The following CTCFL variants were observed in gnomAD, a reference collection of about 807,000 sequenced individuals.
CTCFL encodes the protein CCCTC-binding factor like, also known as transcriptional repressor CTCFL.
CTCFL carries 36 observed loss-of-function variants against 67.4 expected under a neutral mutation model. The observed-to-expected ratio is 0.53, with a 90% CI of 0.41 to 0.71. The LOEUF (loss-of-function observed/expected upper bound fraction) is 0.71. Ranked by LOEUF, CTCFL falls within the 30% of genes least tolerant of loss-of-function variation. The probability of loss-of-function intolerance (pLI) is 0.00; values close to 1 mark genes in which losing one functional copy is unlikely to be tolerated. For missense variants in CTCFL, 786 were observed against 835.2 expected (o/e 0.94, Z 0.73); for synonymous variants, 324 against 302.3 (o/e 1.07, Z -0.75).
chr20:57,518,554 CTAAT>C, intron 5 of CTCFL, 200 bp downstream of exon 5: 3 of 1,420,084 alleles, frequency 2.1e-6, no homozygotes, highest in African/African-American at 2.9e-5. Context: ...ATTATTTTCA[CTAAT>C]TAGTAATCAA....
chr20:57,518,325 C>T (rs1182865626), intron 5 of CTCFL, among the ~76,000 whole-genome samples: 1 of 152,234 alleles, frequency 6.6e-6, no homozygotes, highest in Non-Finnish European at 1.5e-5. Flanking sequence ...TAATTAAAAA[C>T]AGAAACGTCT....
chr20:57,514,898 CCAGA>C (rs2068806103), intron 6 of CTCFL, 157 bp from the exon 7 acceptor site: 1 of 704,642 alleles, frequency 1.4e-6, no homozygotes, highest in South Asian at 1.9e-5. Flanking sequence ...CAAATCAAGC[CCAGA>C]CAGCTTATGT....
intron 8 of CTCFL, 115 bp downstream of exon 8, chr20:57,512,477 G>A (rs1031241575): frequency 4.0e-6 from 4 of 1,008,770 alleles, no homozygotes; most frequent in Non-Finnish European, 5.9e-6. Flanking sequence ...TTCTGAATAG[G>A]CTACTCTATT....
At chr20:57,505,742 A>G (rs1049349948) in intron 9 of CTCFL, among the ~76,000 whole-genome samples, 1 of 152,236 alleles carries the variant, frequency 6.6e-6, no homozygotes, top group Admixed American at 6.5e-5. Flanking sequence ...ACTGTATACA[A>G]CATTCAGGAA....
Position 57,498,639 on chromosome 20 carries a change from C to T in CTCFL, c.1903G>A (p.Val635Ile), listed in dbSNP as rs759206089. 19 of 1,614,158 alleles carry T rather than the reference C, an allele frequency of 1.2e-5. No homozygotes were observed. The highest frequency in any genetic ancestry group is 1.7e-5 in the Admixed American group (1 of 60,026). The change falls in exon 11 of 11, where the codon GTC (valine) becomes ATC (isoleucine). Residue 635 changes from valine (V) to isoleucine (I), a missense_variant. Physicochemically the swap from Val to Ile is conservative, Grantham distance 29 (BLOSUM62 3). Transcript: ENST00000243914. ...CTGGCTGTGGTTTCTCTGCAGGCGA[C>T]AGGAAACATCTCTCCTGGGAACTGT... ...GEQFPGEMFP[V>I]ACRETTARVK...
intron 8 of CTCFL, among the ~76,000 whole-genome samples, chr20:57,511,463 G>C (rs749319922): frequency 1.3e-5 from 2 of 152,128 alleles, no homozygotes; most frequent in Non-Finnish European, 2.9e-5. Flanking sequence ...TTACCTGTGT[G>C]TGAGTCTGTA....
chr20:57,505,298 T>C (rs577294358), intron 9 of CTCFL, among the ~76,000 whole-genome samples: 54 of 151,860 alleles, frequency 3.6e-4, no homozygotes, highest in African/African-American at 5.1e-4. Flanking sequence ...CTCTTTCGTC[T>C]AGGCTGGAGT....
At chr20:57,501,757 C>T (rs1341919327) in intron 10 of CTCFL, among the ~76,000 whole-genome samples, 9 of 152,194 alleles carry the variant, frequency 5.9e-5, no homozygotes, top group Non-Finnish European at 2.9e-5. Flanking sequence ...AGCCCATCTG[C>T]TGGTGCAGAG....
At chr20:57,521,483 T>G (rs1347703891) in intron 3 of CTCFL, among the ~76,000 whole-genome samples, 1 of 152,252 alleles carries the variant, frequency 6.6e-6, no homozygotes, top group Non-Finnish European at 1.5e-5. Flanking sequence ...TTCAAATTGG[T>G]GCAGCTGCTA....
chr20:57,523,794 T>A lies in CTCFL; in HGVS notation c.412A>T (p.Ile138Phe), dbSNP rs1481033538. ...QSLQQCVAISIQQELYSPQEM... is the reference protein window; with the variant it reads ...QSLQQCVAISFQQELYSPQEM... ...TGCGGGGAGTACAGCTCTTGCTGGA[T>A]ACTAATGGCCACACACTGCTGCAGG... Residue 138 changes from isoleucine (I) to phenylalanine (F), a missense_variant, in exon 2 of 11, where the codon ATC becomes TTC. Physicochemically the swap from Ile to Phe is conservative, Grantham distance 21. Around this residue, in one of 3 missense-constraint regions of CTCFL, gnomAD observed 333 missense variants for 304.6 expected, o/e 1.09. Coordinates refer to ENST00000243914, the MANE Select transcript of CTCFL (RefSeq NM_001386993.1). 1 of 1,613,264 alleles carries A rather than the reference T, an allele frequency of 6.2e-7. No individual in the cohort carries two copies. The highest frequency in any genetic ancestry group is 2.2e-5 in the East Asian group (1 of 44,890).
chr20:57,499,256 C>T (rs1301469677), intron 10 of CTCFL, among the ~76,000 whole-genome samples: 3 of 152,180 alleles, frequency 2.0e-5, no homozygotes, highest in Non-Finnish European at 4.4e-5. Context: ...AAGCCAGTTG[C>T]CTGCAGGACA....
At position 57,505,458 on chromosome 20, in the gene CTCFL, A is replaced by G. The variant is rs55762965; in HGVS notation, c.1675-1857T>C. Among the ~76,000 whole-genome samples the G allele has an allele frequency of 5.6e-3, 837 of 148,896 alleles. 5 individuals carry two copies. The highest frequency in any genetic ancestry group is 8.8e-3 in the Non-Finnish European group (576 of 65,752). On this transcript the variant is annotated intron_variant, in intron 9 of 10. Coordinates refer to ENST00000243914, the MANE Select transcript of CTCFL (RefSeq NM_001386993.1). ...TTTTCAGTAGAGATGGGGTTTCACC[A>G]TGTTAGCCAGGATGGTCTCGATCTC...
intron 9 of CTCFL, among the ~76,000 whole-genome samples, chr20:57,505,515 C>T (rs1251982628): frequency 6.6e-6 from 1 of 152,152 alleles, no homozygotes; most frequent in Non-Finnish European, 1.5e-5. Flanking sequence ...CTCGGCCTCC[C>T]AAAATGCTGG....
In CTCFL at chr20:57,524,137, C is replaced by T. The variant is rs750508860; in HGVS notation, c.69G>A (p.Pro23=). 8.1e-6 allele frequency: 13 copies of T among 1,613,602 alleles called. No homozygotes were observed. Among genetic ancestry groups the T allele is most frequent in the Non-Finnish European group, 1.1e-5 (13 of 1,179,974 alleles). ...FTKIKELELM[P]EKGLKEEEKD... Reference sequence around the variant, plus strand: ...TTTCCTCCTCCTTCAGGCCTTTTTCCGGCATCAACTCGAGTTCTTTGATCT... The same window carrying T: ...TTTCCTCCTCCTTCAGGCCTTTTTCTGGCATCAACTCGAGTTCTTTGATCT... The change falls in exon 2 of 11, where the codon CCG becomes CCA. Residue 23 remains proline, a synonymous_variant. Transcript: ENST00000243914.
At position 57,515,727 on chromosome 20, in the gene CTCFL, C is replaced by G; in HGVS notation, c.1167G>C (p.Met389Ile). 6.2e-7 allele frequency: 1 copy of G among 1,614,154 alleles called. No individual in the cohort carries two copies. Among genetic ancestry groups the G allele is most frequent in the Non-Finnish European group, 8.5e-7 (1 of 1,180,026 alleles). ...SRDTYKLKRH[M>I]RTHSGEKPYE... Reference sequence around the variant, plus strand: ...CAGAGCCCTTACCTGAGTGCGTTCTCATGTGGCGTTTCAGCTTGTAGGTAT... The same window carrying G: ...CAGAGCCCTTACCTGAGTGCGTTCTGATGTGGCGTTTCAGCTTGTAGGTAT... Residue 389 changes from methionine to isoleucine, a missense_variant, in exon 6 of 11, where the codon ATG becomes ATC. Physicochemically the swap from Met to Ile is conservative, Grantham distance 10. Around this residue, in one of 3 missense-constraint regions of CTCFL, gnomAD observed 254 missense variants for 333.9 expected, o/e 0.76. Coordinates refer to ENST00000243914, the MANE Select transcript of CTCFL (RefSeq NM_001386993.1).
chr20:57,512,506 A>T, intron 8 of CTCFL, 86 bp downstream of exon 8: 1 of 1,322,606 alleles, frequency 7.6e-7, no homozygotes. Flanking sequence ...GACTTTTCTC[A>T]GTATCTTCAA....
intron 3 of CTCFL, among the ~76,000 whole-genome samples, chr20:57,521,136 T>C (rs2069326223): frequency 6.6e-6 from 1 of 152,266 alleles, no homozygotes; most frequent in African/African-American, 2.4e-5. Context: ...TTCACACTCG[T>C]AGCTTCCACA....
intron 10 of CTCFL, 59 bp downstream of exon 10, chr20:57,503,377 G>C: frequency 6.3e-7 from 1 of 1,595,768 alleles, no homozygotes; most frequent in East Asian, 2.2e-5. Context: ...CGGCACCCAG[G>C]ATAGTCACAA....
At chr20:57,520,554 A>G (rs2069275856) in intron 3 of CTCFL, among the ~76,000 whole-genome samples, 1 of 152,242 alleles carries the variant, frequency 6.6e-6, no homozygotes, top group Non-Finnish European at 1.5e-5. Context: ...GATTCTCAGT[A>G]AAAAAGAGAG....
Sources: allele counts gnomAD v4.1 joint callset (sites outside exome capture counted in the v4.1 genomes callset), GRCh38; gene constraint gnomAD v4.1.1; regional missense constraint gnomAD v4.1.1; transcripts MANE v1.5; gene names NCBI Gene and HGNC (gene_info 2026-07-23, HGNC 2026-07-21).